ZNF385D: variants seen among roughly 807,000 people sequenced by gnomAD.
ZNF385D encodes the protein zinc finger protein 385D.
A neutral mutation model predicts 35.8 loss-of-function variants in ZNF385D; 15 were observed. That is an observed-to-expected ratio of 0.42 (90% CI 0.28 to 0.64). The LOEUF (loss-of-function observed/expected upper bound fraction) is 0.64. ZNF385D is among the 30% of genes least tolerant of loss of function. The pLI is 0.23. For synonymous variants in ZNF385D, 212 were observed against 186.8 expected (o/e 1.13, Z -1.10); for missense variants, 474 against 494.6 (o/e 0.96, Z 0.39).
chr3:22,209,312 TG>T (rs1472258082), intron 2 of ZNF385D, among the ~76,000 whole-genome samples: 2 of 151,944 alleles, frequency 1.3e-5, no homozygotes, highest in African/African-American at 4.8e-5. Flanking sequence ...TTAAATAAGC[TG>T]TTAAAATAAA....
At chr3:22,244,538 C>G (rs1173691262) in intron 2 of ZNF385D, among the ~76,000 whole-genome samples, 3 of 150,718 alleles carry the variant, frequency 2.0e-5, no homozygotes, top group Non-Finnish European at 2.9e-5. Context: ...TTGGTATGAT[C>G]AAATCCAAAA....
rs552027094 is a variant in ZNF385D at position 21,966,350 on chromosome 3, G to C, written c.325+202467C>G. Among the ~76,000 whole-genome samples, 19 of 152,300 alleles carry C rather than the reference G, an allele frequency of 1.2e-4. No individual in the cohort carries two copies. The South Asian group carries it at 3.9e-3, about 32-fold the overall frequency. Reference sequence around the variant, plus strand: ...AGCATGTAGACATTTTAAAGCTAAGGAACTAACTTCACCTTCATTTCCTAC... The same window carrying C: ...AGCATGTAGACATTTTAAAGCTAAGCAACTAACTTCACCTTCATTTCCTAC... On this transcript the variant is annotated intron_variant, in intron 3 of 5. Coordinates refer to the ZNF385D transcript ENST00000494108.
chr3:21,774,936 A>G (rs540660531), intron 3 of ZNF385D, among the ~76,000 whole-genome samples: 1 of 152,074 alleles, frequency 6.6e-6, no homozygotes, highest in South Asian at 2.1e-4. Flanking sequence ...GTATGCTGGT[A>G]AAAACCAACT....
chr3:21,712,920 T>G (rs1292279753), intron 1 of ZNF385D, among the ~76,000 whole-genome samples: 1 of 152,200 alleles, frequency 6.6e-6, no homozygotes, highest in East Asian at 1.9e-4. Flanking sequence ...ATGCTTTCAG[T>G]CTCAACCCAT....
chr3:22,002,791 A>T (rs986263575), intron 3 of ZNF385D, among the ~76,000 whole-genome samples: 11 of 152,194 alleles, frequency 7.2e-5, no homozygotes, highest in African/African-American at 2.7e-4. Context: ...CAACATACAC[A>T]AATAAAGAAA....
intron 1 of ZNF385D, among the ~76,000 whole-genome samples, chr3:21,695,051 A>G (rs2067422732): frequency 1.3e-5 from 2 of 152,176 alleles, no homozygotes; most frequent in Admixed American, 1.3e-4. Context: ...AAATGGGAAC[A>G]TTATATTGAA....
chr3:21,851,188 T>C (rs1696362707), intron 3 of ZNF385D, among the ~76,000 whole-genome samples: 1 of 151,840 alleles, frequency 6.6e-6, no homozygotes, highest in African/African-American at 2.4e-5. Flanking sequence ...AAACAAAAAG[T>C]AAGTGAAATA....
chr3:21,620,857 C>G (rs2064985528), intron 2 of ZNF385D, among the ~76,000 whole-genome samples: 2 of 152,170 alleles, frequency 1.3e-5, no homozygotes, highest in African/African-American at 2.4e-5. Flanking sequence ...GGGAAAGCTA[C>G]ACATGCAAAC....
At chr3:21,961,762 A>T (rs1323062316) in intron 3 of ZNF385D, among the ~76,000 whole-genome samples, 1 of 152,282 alleles carries the variant, frequency 6.6e-6, no homozygotes, top group East Asian at 1.9e-4. Flanking sequence ...TTGAGACATT[A>T]GTTCTGAAGA....
chr3:22,248,983 T>C (rs1341351280), intron 2 of ZNF385D, among the ~76,000 whole-genome samples: 1 of 152,168 alleles, frequency 6.6e-6, no homozygotes, highest in Non-Finnish European at 1.5e-5. Flanking sequence ...CCTGTAAGTA[T>C]TCTGACTGAT....
intron 3 of ZNF385D, among the ~76,000 whole-genome samples, chr3:21,911,653 G>A (rs1397628604): frequency 6.6e-6 from 1 of 151,304 alleles, no homozygotes; most frequent in East Asian, 2.0e-4. Context: ...TAGCTATATT[G>A]CAGAAGGCAT....
intron 3 of ZNF385D, among the ~76,000 whole-genome samples, chr3:22,104,433 G>A (rs1167161685): frequency 2.6e-5 from 4 of 152,102 alleles, no homozygotes; most frequent in Non-Finnish European, 1.5e-5. Flanking sequence ...TCTGCAGGTA[G>A]TATTTTGATG....
chr3:22,212,568 C>T (rs560992401), intron 2 of ZNF385D, among the ~76,000 whole-genome samples: 1 of 151,914 alleles, frequency 6.6e-6, no homozygotes, highest in East Asian at 1.9e-4. Flanking sequence ...ATTCCCTCAT[C>T]ATTAAACAAA....
intron 2 of ZNF385D, among the ~76,000 whole-genome samples, chr3:22,186,406 T>G (rs928998856): frequency 6.6e-6 from 1 of 152,186 alleles, no homozygotes; most frequent in African/African-American, 2.4e-5. Flanking sequence ...GAAGGGAGTG[T>G]CACCTGGGTT....
At chr3:22,186,168 CTTTAGGAACTTCAAAATAAGAA>C (rs921039709) in intron 2 of ZNF385D, among the ~76,000 whole-genome samples, 2 of 152,030 alleles carry the variant, frequency 1.3e-5, no homozygotes, top group African/African-American at 4.8e-5. Context: ...TGAGGTTTTT[CTTTAGGAACTTCAAAATAAGAA>C]AGGTCTCTGA....
chr3:21,670,835 C>T (rs2066555316), intron 1 of ZNF385D, among the ~76,000 whole-genome samples: 1 of 151,614 alleles, frequency 6.6e-6, no homozygotes, highest in Admixed American at 6.6e-5. Context: ...AGAAACTAGC[C>T]CTTTCAACCA....
intron 2 of ZNF385D, among the ~76,000 whole-genome samples, chr3:22,203,747 C>T (rs1423307624): frequency 2.0e-5 from 3 of 152,004 alleles, no homozygotes; most frequent in African/African-American, 4.8e-5. Flanking sequence ...GACTCCTCTG[C>T]CAGGGAAAGG....
intron 3 of ZNF385D, among the ~76,000 whole-genome samples, chr3:21,871,448 G>A (rs1397280256): frequency 6.6e-6 from 1 of 152,122 alleles, no homozygotes; most frequent in Non-Finnish European, 1.5e-5. Flanking sequence ...CCACTAAAGT[G>A]TAAACTTCTT....
Position 21,744,382 on chromosome 3 carries a change from A to G in ZNF385D, c.22+6513T>C, listed in dbSNP as rs534337740. On this transcript the variant is annotated intron_variant, in intron 1 of 7. Transcript: ENST00000281523. ...TTTCCCTCATCAGCAAAATCCATGAATATGAAAAAAGGTAAGTGTGAAGAG... is the reference window on the plus strand; with the variant it reads ...TTTCCCTCATCAGCAAAATCCATGAGTATGAAAAAAGGTAAGTGTGAAGAG... 2.0e-5 allele frequency among the ~76,000 whole-genome samples: 3 copies of G among 152,344 alleles called. No homozygotes were observed. The East Asian group carries it at 5.8e-4, about 29-fold the overall frequency.
Sources: gnomAD v4.1 joint callset for allele counts (sites outside exome capture counted in the v4.1 genomes callset) on GRCh38, gnomAD v4.1.1 for gene constraint, MANE v1.5 for transcripts, NCBI Gene and HGNC (gene_info 2026-07-23, HGNC 2026-07-21) for gene names.